Variants in NUDCD1 observed in about 807,000 individuals in gnomAD.
NUDCD1 encodes NudC domain containing 1.
NUDCD1 carries 60 observed loss-of-function variants against 67.8 expected under a neutral mutation model. The ratio of observed to expected loss-of-function variants is 0.88; its 90% CI spans 0.72 to 1.10. NUDCD1 has a LOEUF of 1.10. Among genes scored for constraint, NUDCD1 ranks in the 50% least tolerant of loss-of-function variants. The pLI, the probability that NUDCD1 is intolerant of heterozygous loss-of-function variation, is 0.00. For missense variants in NUDCD1, 643 were observed against 695.0 expected (o/e 0.93, Z 0.84); for synonymous variants, 244 against 230.8 (o/e 1.06, Z -0.52).
At chr8:109,263,068 A>AAC (rs1312846891) in intron 8 of NUDCD1, among the ~76,000 whole-genome samples, 22 of 150,134 alleles carry the variant, frequency 1.5e-4, no homozygotes, top group Non-Finnish European at 2.8e-4. Flanking sequence ...AAAAAAAAAA[A>AAC]AAAAAAAAAA....
chr8:109,280,750 C>T (rs905620683), intron 6 of NUDCD1, among the ~76,000 whole-genome samples: 3 of 152,146 alleles, frequency 2.0e-5, no homozygotes, highest in African/African-American at 7.2e-5. Flanking sequence ...AAACAAAGCA[C>T]TACCATATTC....
chr8:109,251,931 C>G (rs548698706), intron 8 of NUDCD1, among the ~76,000 whole-genome samples: 30 of 152,074 alleles, frequency 2.0e-4, no homozygotes, highest in Non-Finnish European at 3.8e-4. Context: ...CTGTATTCCA[C>G]GTGTGCCATG....
intron 6 of NUDCD1, among the ~76,000 whole-genome samples, chr8:109,276,428 GC>G (rs1167597827): frequency 6.6e-6 from 1 of 152,154 alleles, no homozygotes; most frequent in Non-Finnish European, 1.5e-5. Context: ...ATTAGCTCAT[GC>G]CCTGGAACAC....
intron 2 of NUDCD1, 105 bp from the exon 3 acceptor site, chr8:109,296,674 A>G: frequency 1.3e-6 from 1 of 766,702 alleles, no homozygotes; most frequent in Non-Finnish European, 2.1e-6. Context: ...TAAGAGTTGG[A>G]GTCTAATTCC....
chr8:109,317,556 T>C (rs1815429376), intron 2 of NUDCD1, among the ~76,000 whole-genome samples: 1 of 150,010 alleles, frequency 6.7e-6, no homozygotes, highest in Non-Finnish European at 1.5e-5. Flanking sequence ...ATCCACAGGA[T>C]CCATTGTTCT....
chr8:109,330,031 AGAATGAAGTAT>A (rs1182534423), intron 1 of NUDCD1: 3 of 651,036 alleles, frequency 4.6e-6, no homozygotes, highest in Non-Finnish European at 4.4e-6. Context: ...CCAACATGAA[AGAATGAAGTAT>A]GAATTAGCTA....
chr8:109,303,555 G>T (rs567073804), intron 2 of NUDCD1, among the ~76,000 whole-genome samples: 3 of 151,878 alleles, frequency 2.0e-5, no homozygotes, highest in Non-Finnish European at 4.4e-5. Flanking sequence ...CACCTGCCCC[G>T]CTCCCTTATT....
chr8:109,325,114 G>T (rs1276811610), intron 1 of NUDCD1, among the ~76,000 whole-genome samples: 1 of 151,778 alleles, frequency 6.6e-6, no homozygotes, highest in Non-Finnish European at 1.5e-5. Flanking sequence ...AATAAACCAG[G>T]TACAGAAAGA....
At chr8:109,325,265 C>T (rs754240129) in intron 1 of NUDCD1, among the ~76,000 whole-genome samples, 11 of 151,990 alleles carry the variant, frequency 7.2e-5, no homozygotes, top group Non-Finnish European at 1.2e-4. Context: ...GGATTAAGTT[C>T]TCATGTTTGA....
chr8:109,329,351 G>A (rs1815752390), intron 1 of NUDCD1, among the ~76,000 whole-genome samples: 1 of 151,994 alleles, frequency 6.6e-6, no homozygotes, highest in African/African-American at 2.4e-5. Context: ...AAAACTATAT[G>A]TCCGCAGTTT....
intron 8 of NUDCD1, among the ~76,000 whole-genome samples, chr8:109,248,412 T>C (rs1334153072): frequency 1.3e-5 from 2 of 152,202 alleles, no homozygotes; most frequent in African/African-American, 2.4e-5. Context: ...AAGTCTGCCC[T>C]TTTTTCTCCA....
chr8:109,265,462 T>A (rs1201261579), intron 8 of NUDCD1, among the ~76,000 whole-genome samples: 1 of 152,226 alleles, frequency 6.6e-6, no homozygotes, highest in Non-Finnish European at 1.5e-5. Context: ...ATCCTTAATA[T>A]CCTCTTGAAA....
intron 2 of NUDCD1, among the ~76,000 whole-genome samples, chr8:109,311,572 T>TATATATATA (rs1554617143): frequency 2.8e-5 from 4 of 145,294 alleles, no homozygotes; most frequent in African/African-American, 5.4e-5. Context: ...TATATATATA[T>TATATATATA]GATGGGATAC....
chr8:109,284,564 T>A (rs937185805), intron 5 of NUDCD1, among the ~76,000 whole-genome samples: 1 of 151,672 alleles, frequency 6.6e-6, no homozygotes, highest in African/African-American at 2.4e-5. Flanking sequence ...AAAAATGAAA[T>A]CATACCAATC....
chr8:109,273,356 C>G (rs2926191), intron 7 of NUDCD1, among the ~76,000 whole-genome samples: 54,652 of 151,824 alleles, frequency 0.36, 10,666 homozygotes, highest in South Asian at 0.5. Flanking sequence ...AGCCCAGCAT[C>G]AAATCAAATC....
At chr8:109,272,334 A>C (rs1289748056) in intron 7 of NUDCD1, among the ~76,000 whole-genome samples, 1 of 151,186 alleles carries the variant, frequency 6.6e-6, no homozygotes, top group African/African-American at 2.4e-5. Flanking sequence ...GTTGGTGATA[A>C]GTCAAATATG....
intron 8 of NUDCD1, among the ~76,000 whole-genome samples, chr8:109,264,931 T>C (rs564529154): frequency 5.6e-4 from 85 of 151,860 alleles, no homozygotes; most frequent in Non-Finnish European, 9.0e-4. Context: ...TATTTTAAAA[T>C]GAATATTTAA....
intron 6 of NUDCD1, 91 bp downstream of exon 6, chr8:109,280,877 T>C: frequency 1.7e-6 from 1 of 574,330 alleles, no homozygotes; most frequent in Non-Finnish European, 2.9e-6. Context: ...ACAGAACTAT[T>C]GTATTAATCT....
At chr8:109,327,754 T>C (rs1377906926) in intron 1 of NUDCD1, among the ~76,000 whole-genome samples, 1 of 152,190 alleles carries the variant, frequency 6.6e-6, no homozygotes, top group Admixed American at 6.5e-5. Context: ...AGTTATCTCC[T>C]GTCCACTGGT....
Sources: gnomAD v4.1 joint callset for allele counts (sites outside exome capture counted in the v4.1 genomes callset) on GRCh38, gnomAD v4.1.1 for gene constraint, MANE v1.5 for transcripts, NCBI Gene and HGNC (gene_info 2026-07-23, HGNC 2026-07-21) for gene names.